The following PCMTD1 variants were observed in gnomAD, a reference collection of about 807,000 sequenced individuals.
PCMTD1 encodes protein-L-isoaspartate (D-aspartate) O-methyltransferase domain containing 1, also known as protein-L-isoaspartate O-methyltransferase domain-containing protein 1.
Under a neutral mutation model 37.6 loss-of-function variants are expected in PCMTD1, and 12 were observed. That is an observed-to-expected ratio of 0.32 (90% confidence interval 0.20 to 0.52). The LOEUF is 0.52. PCMTD1 is among the 20% of genes least tolerant of loss of function. The pLI, the probability that PCMTD1 is intolerant of heterozygous loss-of-function variation, is 0.97. For synonymous variants in PCMTD1, 117 were observed against 135.8 expected, an observed-to-expected ratio of 0.86 and a Z score of 0.96; for missense variants, 235 against 421.3, an observed-to-expected ratio of 0.56 and a Z score of 3.87.
chr8:51,854,581 A>G (rs547280001), intron 2 of PCMTD1, among the ~76,000 whole-genome samples: 2 of 152,250 alleles, frequency 1.3e-5, no homozygotes, highest in East Asian at 1.9e-4. Flanking sequence ...AATAAATCAC[A>G]TATCAAGAAT....
chr8:51,831,650 G>T lies in PCMTD1; in HGVS notation c.583-83C>A, dbSNP rs1015476951. The T allele has an allele frequency of 7.9e-6, 11 of 1,384,758 alleles. No individual in the cohort carries two copies. In the African/African-American group the frequency reaches 1.6e-4, roughly 20 times the overall value. The allele number at this position is 1,384,758 out of a possible 1,614,324, so 85.8% of individuals were successfully genotyped here. ...CTTACAGTCAAAACTTTGTTTTAAG[G>T]GAACAACTGCCAGTTAGAGCTACAC... On this transcript the variant is annotated intron_variant, in intron 4 of 5. Coordinates refer to ENST00000522514, the MANE Select transcript of PCMTD1 (RefSeq NM_052937.4).
chr8:51,893,715 T>G (rs1273038800), intron 1 of PCMTD1, among the ~76,000 whole-genome samples: 4 of 152,212 alleles, frequency 2.6e-5, no homozygotes, highest in Non-Finnish European at 2.9e-5. Context: ...AACAATATAA[T>G]TACCTTATAA....
chr8:51,883,468 G>C (rs1288709357), intron 1 of PCMTD1, among the ~76,000 whole-genome samples: 1 of 152,070 alleles, frequency 6.6e-6, no homozygotes, highest in Admixed American at 6.6e-5. Context: ...CAAAAACACA[G>C]GGAGAGCAAA....
chr8:51,851,265 C>G (rs1332622578), intron 2 of PCMTD1, among the ~76,000 whole-genome samples: 1 of 152,124 alleles, frequency 6.6e-6, no homozygotes, highest in African/African-American at 2.4e-5. Context: ...AAGTTCTAGT[C>G]CCTCAGGCTC....
At chr8:51,842,138 C>T (rs779505753) in intron 3 of PCMTD1, among the ~76,000 whole-genome samples, 34 of 152,266 alleles carry the variant, frequency 2.2e-4, no homozygotes, top group Non-Finnish European at 3.7e-4. Flanking sequence ...CAACGGAATA[C>T]ATCAGACATG....
intron 3 of PCMTD1, among the ~76,000 whole-genome samples, chr8:51,836,764 G>A (rs1274051092): frequency 1.3e-5 from 2 of 152,138 alleles, no homozygotes; most frequent in Admixed American, 1.3e-4. Context: ...TACAGACACA[G>A]AGTCTTGCTG....
chr8:51,890,745 T>A (rs574373831), intron 1 of PCMTD1, among the ~76,000 whole-genome samples: 1 of 152,310 alleles, frequency 6.6e-6, no homozygotes, highest in African/African-American at 2.4e-5. Context: ...CTTGGCAGTA[T>A]AAATGTAGAA....
intron 1 of PCMTD1, among the ~76,000 whole-genome samples, chr8:51,891,500 G>A (rs1367168965): frequency 6.6e-6 from 1 of 151,890 alleles, no homozygotes; most frequent in Non-Finnish European, 1.5e-5. Flanking sequence ...AGGATGCAGT[G>A]AGCCGAGATC....
At chr8:51,857,640 T>C (rs927156113) in intron 2 of PCMTD1, among the ~76,000 whole-genome samples, 3 of 152,138 alleles carry the variant, frequency 2.0e-5, no homozygotes, top group Non-Finnish European at 2.9e-5. Flanking sequence ...AAGTACTAGA[T>C]CTTTACGAAA....
rs571845574 is a variant in PCMTD1 at position 51,827,061 on chromosome 8, G to A, written c.706+4383C>T. 1.5e-5 allele frequency: 15 copies of A among 977,544 alleles called. No individual in the cohort carries two copies. In the East Asian group the frequency reaches 1.7e-3, roughly 111 times the overall value. The allele number at this position is 977,544 out of a possible 1,614,324, so 60.6% of individuals were successfully genotyped here. ...CATATTTTAATTTCCTGCAATTAAG[G>A]AATAATGTCCTCTCAACAGAAAGCT... On this transcript the variant is annotated intron_variant, in intron 5 of 5. Transcript: ENST00000522514.
At chr8:51,834,547 G>A (rs768538332) in intron 3 of PCMTD1, among the ~76,000 whole-genome samples, 3 of 152,002 alleles carry the variant, frequency 2.0e-5, no homozygotes, top group Non-Finnish European at 2.9e-5. Context: ...AAATTAATTC[G>A]TATCCTTTCA....
At chr8:51,834,935 C>T (rs2038048991) in intron 3 of PCMTD1, among the ~76,000 whole-genome samples, 1 of 152,068 alleles carries the variant, frequency 6.6e-6, no homozygotes, top group South Asian at 2.1e-4. Context: ...AGTCCATGCC[C>T]CATTATTTCT....
chr8:51,863,649 C>T (rs34011046), intron 1 of PCMTD1, among the ~76,000 whole-genome samples: 9,405 of 152,154 alleles, frequency 0.062, 380 homozygotes, highest in Non-Finnish European at 0.088. Context: ...TAGCCAGATG[C>T]GGTGGCTCAC....
intron 5 of PCMTD1, among the ~76,000 whole-genome samples, chr8:51,822,177 G>A (rs1044495530): frequency 2.6e-5 from 4 of 152,174 alleles, no homozygotes; most frequent in Non-Finnish European, 5.9e-5. Context: ...TGTCCAAGGA[G>A]CCGAAGGAAG....
At chr8:51,846,559 T>C (rs1320182321) in intron 2 of PCMTD1, among the ~76,000 whole-genome samples, 1 of 152,234 alleles carries the variant, frequency 6.6e-6, no homozygotes, top group Non-Finnish European at 1.5e-5. Flanking sequence ...TTTCAACTTC[T>C]GAAATTCAGC....
chr8:51,881,084 G>A (rs148841095), intron 1 of PCMTD1, among the ~76,000 whole-genome samples: 75 of 152,150 alleles, frequency 4.9e-4, no homozygotes, highest in African/African-American at 1.7e-3. Flanking sequence ...TCAACCCCAC[G>A]AACACTGCTT....
intron 5 of PCMTD1, among the ~76,000 whole-genome samples, chr8:51,822,588 T>C (rs927090520): frequency 2.0e-5 from 3 of 152,246 alleles, no homozygotes; most frequent in Admixed American, 2.0e-4. Context: ...CCATTTTCAA[T>C]GTTTTACAAG....
chr8:51,857,451 A>G (rs890706934), intron 2 of PCMTD1, among the ~76,000 whole-genome samples: 1 of 152,244 alleles, frequency 6.6e-6, no homozygotes, highest in African/African-American at 2.4e-5. Context: ...CAGAATTCAG[A>G]ATCCCTACCT....
intron 2 of PCMTD1, chr8:51,860,598 G>A (rs1352550595): frequency 2.8e-6 from 1 of 356,390 alleles, no homozygotes; most frequent in Admixed American, 4.2e-5. Flanking sequence ...ACCAGCGCTT[G>A]ACTTTAAGTA....
Sources: gnomAD v4.1 joint callset for allele counts (sites outside exome capture counted in the v4.1 genomes callset) on GRCh38, gnomAD v4.1.1 for gene constraint, MANE v1.5 for transcripts, NCBI Gene and HGNC (gene_info 2026-07-23, HGNC 2026-07-21) for gene names.